EPHA6: variants seen among roughly 807,000 people sequenced by gnomAD.
EPHA6 encodes the protein ephrin type-A receptor 6.
A neutral mutation model predicts 112.0 loss-of-function variants in EPHA6; 50 were observed. The ratio of observed to expected loss-of-function variants is 0.45; its 90% CI spans 0.36 to 0.56. The LOEUF (loss-of-function observed/expected upper bound fraction) is 0.56, where lower values mean the gene tolerates loss of function less well. EPHA6 is among the 20% of genes least tolerant of loss of function. The pLI, the probability that EPHA6 is intolerant of heterozygous loss-of-function variation, is 0.00. For missense variants in EPHA6, 1,280 were observed against 1,417.4 expected (o/e 0.90, Z 1.56); for synonymous variants, 529 against 490.7 (o/e 1.08, Z -1.03).
intron 11 of EPHA6, among the ~76,000 whole-genome samples, chr3:97,542,433 T>C (rs937161079): frequency 1.3e-5 from 2 of 152,214 alleles, no homozygotes; most frequent in African/African-American, 4.8e-5. Context: ...CTCATCATTT[T>C]TTATGGCTGC....
At chr3:97,374,448 C>G (rs919187515) in intron 5 of EPHA6, among the ~76,000 whole-genome samples, 2 of 152,106 alleles carry the variant, frequency 1.3e-5, no homozygotes, top group Non-Finnish European at 2.9e-5. Flanking sequence ...ATGTCATTCT[C>G]TCTTCATCTT....
intron 5 of EPHA6, among the ~76,000 whole-genome samples, chr3:97,250,710 C>A (rs1239143036): frequency 6.6e-6 from 1 of 152,082 alleles, no homozygotes; most frequent in African/African-American, 2.4e-5. Context: ...CAAACTGGCA[C>A]ATTTTCAATA....
intron 6 of EPHA6, among the ~76,000 whole-genome samples, chr3:97,439,823 G>T (rs1002637474): frequency 5.3e-5 from 8 of 152,146 alleles, no homozygotes; most frequent in African/African-American, 1.9e-4. Flanking sequence ...GTTAGATCTG[G>T]TTATAGGAGA....
At chr3:97,128,472 T>C (rs2048242994) in intron 3 of EPHA6, among the ~76,000 whole-genome samples, 1 of 152,162 alleles carries the variant, frequency 6.6e-6, no homozygotes, top group Non-Finnish European at 1.5e-5. Context: ...CTTTGGGGCA[T>C]AGAAGCATTC....
chr3:97,568,296 C>T (rs1266829593), intron 11 of EPHA6, among the ~76,000 whole-genome samples: 4 of 152,126 alleles, frequency 2.6e-5, no homozygotes, highest in East Asian at 1.9e-4. Context: ...GTATTCCTAC[C>T]TCCATTTTTG....
intron 3 of EPHA6, among the ~76,000 whole-genome samples, chr3:97,066,664 C>T (rs1046935039): frequency 1.3e-5 from 2 of 152,162 alleles, no homozygotes; most frequent in Non-Finnish European, 2.9e-5. Context: ...AACAAGCAGC[C>T]TCACTGGAGT....
chr3:97,565,418 T>C (rs1421368792), intron 11 of EPHA6, among the ~76,000 whole-genome samples: 1 of 152,182 alleles, frequency 6.6e-6, no homozygotes, highest in Admixed American at 6.5e-5. Context: ...AAATTCTGCT[T>C]TCTAAATCTG....
chr3:96,814,671 G>GGCAGCGTCCTCCTCCGAA lies in EPHA6; in HGVS notation c.54_71dup (p.Ser19_Ala24dup). ...CCGCGAGGAGCTCCCCGGCGCCGCA[G>GGCAGCGTCCTCCTCCGAA]GCAGCGTCCTCCTCCGAAGCAGCTG... On this transcript the variant is annotated inframe_insertion, in exon 1 of 18. Coordinates refer to ENST00000389672, the MANE Select transcript of EPHA6 (RefSeq NM_001080448.3). The GGCAGCGTCCTCCTCCGAA allele has an allele frequency of 6.7e-7, 1 of 1,483,472 alleles. No homozygotes were observed. The allele number at this position is 1,483,472 out of a possible 1,614,324, so 91.9% of individuals were successfully genotyped here. A position where few individuals can be genotyped will look rare whatever the true frequency, so the allele number is the denominator to read the frequency against.
intron 2 of EPHA6, among the ~76,000 whole-genome samples, chr3:96,877,118 A>G (rs190992083): frequency 2.6e-5 from 4 of 152,242 alleles, no homozygotes; most frequent in African/African-American, 9.6e-5. Context: ...ATATTGTTTA[A>G]AGGCTATATT....
At chr3:97,275,572 C>T (rs1296045090) in intron 5 of EPHA6, among the ~76,000 whole-genome samples, 5 of 152,068 alleles carry the variant, frequency 3.3e-5, no homozygotes, top group African/African-American at 9.7e-5. Context: ...TGATAAGGCA[C>T]AGATCCTGAA....
intron 2 of EPHA6, among the ~76,000 whole-genome samples, chr3:96,956,031 C>T (rs1400710937): frequency 6.6e-6 from 1 of 152,148 alleles, no homozygotes. Flanking sequence ...AATAAACATG[C>T]TCTCTGAATT....
At chr3:97,094,845 G>A (rs1387704350) in intron 3 of EPHA6, among the ~76,000 whole-genome samples, 1 of 152,120 alleles carries the variant, frequency 6.6e-6, no homozygotes, top group Non-Finnish European at 1.5e-5. Flanking sequence ...AAATGTTAAA[G>A]AGTGTAGCCT....
chr3:97,312,313 A>G lies in EPHA6; in HGVS notation c.1606+68026A>G, dbSNP rs79612180. Among the ~76,000 whole-genome samples the G allele has an allele frequency of 3.2e-3, 488 of 151,760 alleles. 17 individuals are homozygous for G. The East Asian group carries it at 0.065, about 20-fold the overall frequency. Reference sequence around the variant, plus strand: ...CCAACTAGGACCTCCAATAAAATAGAGAACAGATGTAGTGATAGTGGACAT... The same window carrying G: ...CCAACTAGGACCTCCAATAAAATAGGGAACAGATGTAGTGATAGTGGACAT... On this transcript the variant is annotated intron_variant, in intron 5 of 17. Transcript: ENST00000389672.
chr3:97,258,443 T>G (rs2079390119), intron 5 of EPHA6, among the ~76,000 whole-genome samples: 2 of 152,098 alleles, frequency 1.3e-5, no homozygotes, highest in African/African-American at 4.8e-5. Context: ...TGGAACAGAC[T>G]TACAGAAGGC....
At chr3:97,540,399 T>G (rs555967296) in intron 11 of EPHA6, among the ~76,000 whole-genome samples, 1 of 152,170 alleles carries the variant, frequency 6.6e-6, no homozygotes, top group Non-Finnish European at 1.5e-5. Context: ...TTCAAGCAGG[T>G]CTAGGGATAA....
chr3:97,590,769 A>G (rs983077075), intron 11 of EPHA6, among the ~76,000 whole-genome samples: 7 of 152,162 alleles, frequency 4.6e-5, no homozygotes, highest in African/African-American at 1.7e-4. Flanking sequence ...TATTTTCCCT[A>G]TTGTAACAAT....
At chr3:97,471,100 G>C (rs944355815) in intron 7 of EPHA6, among the ~76,000 whole-genome samples, 1 of 151,698 alleles carries the variant, frequency 6.6e-6, no homozygotes, top group Non-Finnish European at 1.5e-5. Flanking sequence ...TAGCTCTACT[G>C]TATTTTAGTG....
chr3:96,916,218 T>G lies in EPHA6; in HGVS notation c.450+49329T>G, dbSNP rs184847227. Among the ~76,000 whole-genome samples the G allele has an allele frequency of 8.3e-4, 127 of 152,238 alleles. 1 individual carries two copies. Among genetic ancestry groups the G allele is most frequent in the African/African-American group, 2.9e-3 (121 of 41,562 alleles). On this transcript the variant is annotated intron_variant, in intron 2 of 17. Coordinates refer to ENST00000389672, the MANE Select transcript of EPHA6 (RefSeq NM_001080448.3). Reference sequence around the variant, plus strand: ...ATAAAAGGAGTAATTAAATTTACCTTTTGATTTAGGATTTTGGGACAGAGC... The same window carrying G: ...ATAAAAGGAGTAATTAAATTTACCTGTTGATTTAGGATTTTGGGACAGAGC...
intron 5 of EPHA6, among the ~76,000 whole-genome samples, chr3:97,296,116 G>A (rs1443867068): frequency 1.3e-5 from 2 of 152,118 alleles, no homozygotes; most frequent in South Asian, 2.1e-4. Context: ...AGCAGAGACA[G>A]GACAAACTTT....
Sources: allele counts gnomAD v4.1 joint callset (sites outside exome capture counted in the v4.1 genomes callset), GRCh38; gene constraint gnomAD v4.1.1; transcripts MANE v1.5; gene names NCBI Gene and HGNC (gene_info 2026-07-23, HGNC 2026-07-21).